The following SHANK2 variants were observed in gnomAD, a reference collection of about 807,000 sequenced individuals.
SHANK2 encodes SH3 and multiple ankyrin repeat domains 2.
A neutral mutation model predicts 133.7 loss-of-function variants in SHANK2; 43 were observed. The ratio of observed to expected loss-of-function variants is 0.32; its 90% CI spans 0.25 to 0.41. SHANK2 has a LOEUF of 0.41. Ranked by LOEUF, SHANK2 falls within the 10% of genes least tolerant of loss-of-function variation. The probability of loss-of-function intolerance (pLI) is 1.00; values close to 1 mark genes in which losing one functional copy is unlikely to be tolerated. For synonymous variants in SHANK2, 1,017 were observed against 952.8 expected, an observed-to-expected ratio of 1.07 and a Z score of -1.24; for missense variants, 1,994 against 2,235.8, an observed-to-expected ratio of 0.89 and a Z score of 2.18.
At chr11:70,528,662 C>T (rs1554972595) in intron 17 of SHANK2, among the ~76,000 whole-genome samples, 1 of 152,098 alleles carries the variant, frequency 6.6e-6, no homozygotes, top group Non-Finnish European at 1.5e-5. Flanking sequence ...GGGGTCTCTC[C>T]TGGGCGATTC....
intron 6 of SHANK2, among the ~76,000 whole-genome samples, chr11:71,097,074 T>C (rs919849878): frequency 1.3e-5 from 2 of 152,116 alleles, no homozygotes; most frequent in African/African-American, 4.8e-5. Flanking sequence ...CTATGTGTGG[T>C]CCTTGGGTGG....
At chr11:70,943,135 G>A (rs1950671197) in intron 10 of SHANK2, 1 of 455,348 alleles carries the variant, frequency 2.2e-6, no homozygotes, top group Non-Finnish European at 4.4e-6. Context: ...GATGGAGCAA[G>A]CAGTCTCACC....
At chr11:70,494,765 C>T (rs539232732) in intron 21 of SHANK2, among the ~76,000 whole-genome samples, 4 of 152,286 alleles carry the variant, frequency 2.6e-5, no homozygotes, top group East Asian at 1.9e-4. Context: ...CAAGTGTTCA[C>T]GCAAAGCAAG....
At chr11:70,632,258 A>T (rs999524053) in intron 17 of SHANK2, among the ~76,000 whole-genome samples, 2 of 151,620 alleles carry the variant, frequency 1.3e-5, no homozygotes, top group Non-Finnish European at 2.9e-5. Flanking sequence ...AGTAGCTGGG[A>T]CTACAGGTGC....
At chr11:71,167,500 C>T (rs1444301134) in intron 2 of SHANK2, among the ~76,000 whole-genome samples, 2 of 132,950 alleles carry the variant, frequency 1.5e-5, no homozygotes, top group African/African-American at 2.9e-5. Context: ...CGGGCAGAGG[C>T]GCCCCTCACC....
At chr11:70,498,794 G>C (rs946249372) in intron 21 of SHANK2, among the ~76,000 whole-genome samples, 2 of 152,120 alleles carry the variant, frequency 1.3e-5, no homozygotes, top group Admixed American at 1.3e-4. Flanking sequence ...GGAAGTCCAA[G>C]GTCAGGCTCC....
chr11:71,182,221 G>A (rs1953573246), intron 2 of SHANK2, among the ~76,000 whole-genome samples: 1 of 152,142 alleles, frequency 6.6e-6, no homozygotes, highest in Non-Finnish European at 1.5e-5. Flanking sequence ...TCCATCTGCT[G>A]GGAGGAGATT....
Position 70,784,364 on chromosome 11 carries a change from T to TTTTTTTTG in SHANK2, c.1777+14078_1777+14079insCAAAAAAA, listed in dbSNP as rs1565313748. Among the ~76,000 whole-genome samples, 68 of 133,550 alleles carry TTTTTTTTG rather than the reference T, an allele frequency of 5.1e-4. 1 individual carries two copies. Among genetic ancestry groups the TTTTTTTTG allele is most frequent in the African/African-American group, 2.1e-3 (63 of 30,612 alleles). The allele number at this position is 133,550 out of a possible 152,430, so 87.6% of individuals were successfully genotyped here. Reference sequence around the variant, plus strand: ...GCTAGTTTTTTTTTTTTTTTTTTTTTTTTTTTTTTTTAAGTAGCGACGGGG... The same window carrying TTTTTTTTG: ...GCTAGTTTTTTTTTTTTTTTTTTTTTTTTTTTTGTTTTTTTTTTTAAGTAGCGACGGGG... On this transcript the variant is annotated intron_variant, in intron 14 of 25. Coordinates refer to ENST00000601538, the MANE Select transcript of SHANK2 (RefSeq NM_012309.5).
chr11:70,550,838 G>A (rs1358080904), intron 17 of SHANK2, among the ~76,000 whole-genome samples: 1 of 152,218 alleles, frequency 6.6e-6, no homozygotes, highest in Non-Finnish European at 1.5e-5. Flanking sequence ...TGGTGGAAAT[G>A]TGAGTCCAGC....
At chr11:70,676,345 G>T (rs1322462674) in intron 15 of SHANK2, among the ~76,000 whole-genome samples, 2 of 152,268 alleles carry the variant, frequency 1.3e-5, no homozygotes, top group Non-Finnish European at 2.9e-5. Flanking sequence ...CGGACCCGAG[G>T]TCTGCTGGGA....
intron 14 of SHANK2, among the ~76,000 whole-genome samples, chr11:70,785,833 G>A (rs984362755): frequency 1.3e-5 from 2 of 152,230 alleles, no homozygotes; most frequent in African/African-American, 2.4e-5. Context: ...CAAAAGCCGA[G>A]ATTAATTTGC....
At chr11:71,151,653 G>A (rs1443921218) in intron 2 of SHANK2, among the ~76,000 whole-genome samples, 10 of 152,230 alleles carry the variant, frequency 6.6e-5, no homozygotes, top group Non-Finnish European at 1.5e-4. Context: ...GTGGTAGCGA[G>A]GCCAGCCTCA....
rs563702057 is a variant in SHANK2 at position 70,532,975 on chromosome 11, T to C, written c.2062-30044A>G. 5.3e-5 allele frequency among the ~76,000 whole-genome samples: 8 copies of C among 152,300 alleles called. No individual in the cohort carries two copies. The South Asian group carries it at 8.3e-4, about 16-fold the overall frequency. ...AACAAGGAGAGCCTCAGAGACATGA[T>C]GCTGAATGAAAGAAGCCACGAAGCA... is the stretch of plus-strand genomic sequence containing the variant. On this transcript the variant is annotated intron_variant, in intron 17 of 25. Transcript: ENST00000601538.
At chr11:70,475,952 T>C (rs2058656922) in intron 25 of SHANK2, among the ~76,000 whole-genome samples, 1 of 152,152 alleles carries the variant, frequency 6.6e-6, no homozygotes, top group African/African-American at 2.4e-5. Flanking sequence ...CTGCACACGG[T>C]GGCTCACGCC....
At chr11:70,546,847 G>A (rs2136060477) in intron 17 of SHANK2, among the ~76,000 whole-genome samples, 1 of 152,358 alleles carries the variant, frequency 6.6e-6, no homozygotes, top group East Asian at 1.9e-4. Flanking sequence ...GGGGCATCCT[G>A]CCTTGGCCAG....
Position 71,185,954 on chromosome 11 carries a change from A to T in SHANK2, c.-12-38616T>A, listed in dbSNP as rs551465091. On this transcript the variant is annotated intron_variant, in intron 2 of 25. Coordinates refer to ENST00000601538, the MANE Select transcript of SHANK2 (RefSeq NM_012309.5). ...TGCCTGTCTCCCATGGCGCATTCCC[A>T]ACAATGGAAAATACAATGGTACGGT... Among the ~76,000 whole-genome samples the T allele has an allele frequency of 2.6e-5, 4 of 152,276 alleles. No homozygotes were observed. In the South Asian group the frequency reaches 8.3e-4, roughly 32 times the overall value.
intron 11 of SHANK2, among the ~76,000 whole-genome samples, chr11:70,883,223 G>A (rs1335794608): frequency 6.6e-6 from 1 of 152,162 alleles, no homozygotes; most frequent in Non-Finnish European, 1.5e-5. Flanking sequence ...CCCAGGCCTG[G>A]CTCTGAAAGG....
chr11:70,926,865 T>C (rs1041671315), intron 10 of SHANK2, among the ~76,000 whole-genome samples: 4 of 152,172 alleles, frequency 2.6e-5, no homozygotes, highest in Non-Finnish European at 4.4e-5. Context: ...ATGGAATCTG[T>C]GGATAAGGAG....
chr11:71,147,652 G>A (rs11822742), intron 2 of SHANK2, among the ~76,000 whole-genome samples: 6,395 of 152,274 alleles, frequency 0.042, 242 homozygotes, highest in African/African-American at 0.1. Flanking sequence ...CTAGCCACGG[G>A]GATGACCACA....
Sources: allele counts gnomAD v4.1 joint callset (sites outside exome capture counted in the v4.1 genomes callset), GRCh38; gene constraint gnomAD v4.1.1; transcripts MANE v1.5; gene names NCBI Gene and HGNC (gene_info 2026-07-23, HGNC 2026-07-21).